Variants in MAU2 observed in about 807,000 individuals in gnomAD.
The protein encoded by MAU2 is MAU2 chromatid cohesion factor homolog.
MAU2 carries 9 observed loss-of-function variants against 89.1 expected under a neutral mutation model. That is an observed-to-expected ratio of 0.10 (90% CI 0.06 to 0.18). The LOEUF is 0.18. Ranked by LOEUF, MAU2 falls within the 10% of genes least tolerant of loss-of-function variation. The probability of loss-of-function intolerance (pLI) is 1.00; values close to 1 mark genes in which losing one functional copy is unlikely to be tolerated. For synonymous variants in MAU2, 357 were observed against 343.4 expected, an observed-to-expected ratio of 1.04 and a Z score of -0.44; for missense variants, 425 against 803.5, an observed-to-expected ratio of 0.53 and a Z score of 5.69.
Position 19,345,479 on chromosome 19 carries a change from C to T in MAU2, c.1221+110C>T, listed in dbSNP as rs544878523. 5.7e-6 allele frequency: 6 copies of T among 1,059,484 alleles called. No individual in the cohort carries two copies. The highest frequency in any genetic ancestry group is 1.3e-5 in the South Asian group (1 of 75,696). The allele number at this position is 1,059,484 out of a possible 1,614,324, so 65.6% of individuals were successfully genotyped here. On this transcript the variant is annotated intron_variant, in intron 12 of 18. Transcript: ENST00000262815. This position sits in a 1 kb window ranked among gnomAD's most constrained non-coding sequence, Gnocchi z 4.9. ...TCGCGCTAGGTCAGCTATGCAAAGC[C>T]GCAGCCCCAGAGGCAATGCACAGTA... is the stretch of plus-strand genomic sequence containing the variant.
At chr19:19,321,408 T>G (rs536127527) in intron 1 of MAU2, 77 of 420,084 alleles carry the variant, frequency 1.8e-4, no homozygotes, top group African/African-American at 1.4e-3. Context: ...TGCCTGTTAT[T>G]GGGAGCAACA....
intron 1 of MAU2, among the ~76,000 whole-genome samples, chr19:19,328,075 A>C (rs2061525393): frequency 6.6e-6 from 1 of 150,882 alleles, no homozygotes; most frequent in Non-Finnish European, 1.5e-5. Flanking sequence ...CGTGAGGATC[A>C]CTTGAGCCCA....
chr19:19,355,018 T>C, intron 17 of MAU2: 1 of 462,308 alleles, frequency 2.2e-6, no homozygotes, highest in Non-Finnish European at 3.9e-6. Context: ...ATGGGCTCCC[T>C]GGAGGGCTGG....
rs1470403307 is a variant in MAU2, at chr19:19,345,767, G to T, written c.1221+398G>T. Among the ~76,000 whole-genome samples, 2 of 152,166 alleles carry T rather than the reference G, an allele frequency of 1.3e-5. No homozygotes were observed. Among genetic ancestry groups the T allele is most frequent in the African/African-American group, 4.8e-5 (2 of 41,426 alleles). On this transcript the variant is annotated intron_variant, in intron 12 of 18. Coordinates refer to ENST00000262815, the MANE Select transcript of MAU2 (RefSeq NM_015329.4). The surrounding 1 kb of genome is among the most constrained non-coding windows in gnomAD (Gnocchi z 4.9). ...GTGGTGGAGCTGGGCCATCTCCCAG[G>T]TGCTCTTTGGACAGAGGAGGACTCT... is the stretch of plus-strand genomic sequence containing the variant.
chr19:19,321,237 C>G, intron 1 of MAU2, 102 bp downstream of exon 1: 1 of 1,321,126 alleles, frequency 7.6e-7, no homozygotes, highest in Non-Finnish European at 9.8e-7. Flanking sequence ...CCTCGGCGAC[C>G]TGGGGGCGCG....
intron 9 of MAU2, 144 bp downstream of exon 9, chr19:19,343,010 T>G: frequency 1.3e-6 from 1 of 793,460 alleles, no homozygotes; most frequent in South Asian, 1.5e-5. Context: ...CACCCCTAGT[T>G]GATAAATGCT....
Position 19,355,927 on chromosome 19 carries a change from T to C in MAU2, c.*145T>C. 1.2e-6 allele frequency: 1 copy of C among 818,824 alleles called. No homozygotes were observed. Among genetic ancestry groups the C allele is most frequent in the Non-Finnish European group, 2.0e-6 (1 of 488,972 alleles). The allele number at this position is 818,824 out of a possible 1,614,324, so 50.7% of individuals were successfully genotyped here. A position where few individuals can be genotyped will look rare whatever the true frequency, so the allele number is the denominator to read the frequency against. On this transcript the variant is annotated 3_prime_UTR_variant, in exon 19 of 19. Transcript: ENST00000262815. ...CCTGGGAATGTGCGGGGCCAGTCCCTGCCCTCCCAGGAGGGGTGGTAGCCG... is the reference window on the plus strand; with the variant it reads ...CCTGGGAATGTGCGGGGCCAGTCCCCGCCCTCCCAGGAGGGGTGGTAGCCG...
At chr19:19,343,030 C>T (rs141192624) in intron 9 of MAU2, among the ~76,000 whole-genome samples, 164 bp downstream of exon 9, 5 of 152,316 alleles carry the variant, frequency 3.3e-5, no homozygotes, top group African/African-American at 7.2e-5. Context: ...TGGTGTCCAA[C>T]GTCAGAGCAG....
At chr19:19,343,402 G>T (rs1183677532) in intron 9 of MAU2, among the ~76,000 whole-genome samples, 1 of 152,222 alleles carries the variant, frequency 6.6e-6, no homozygotes, top group African/African-American at 2.4e-5. Context: ...AGCCGGATAG[G>T]CCCTGTGCTT....
In MAU2 at chr19:19,343,772, G is replaced by A. The variant is rs572766843; in HGVS notation, c.974-65G>A. ...GGAGACAGGAACGAGGTGGGGGCAC[G>A]GTGGGCTGGGGGTGGCGCCTCCTCT... On this transcript the variant is annotated intron_variant, in intron 9 of 18. Transcript: ENST00000262815. 60 of 1,243,518 alleles carry A rather than the reference G, an allele frequency of 4.8e-5. 1 individual carries two copies. In the South Asian group the frequency reaches 6.2e-4, roughly 13 times the overall value. 77.0% of individuals were successfully genotyped at this position (1,243,518 alleles called of 1,614,324 possible).
At chr19:19,349,894 A>G (rs2905422) in intron 16 of MAU2, among the ~76,000 whole-genome samples, 132,756 of 151,710 alleles carry the variant, frequency 0.88, 58,311 homozygotes, top group East Asian at 1. Context: ...AAGGTCAGCC[A>G]GTCTCTGGTG....
At chr19:19,341,476 G>T (rs1375948965) in intron 7 of MAU2, 69 bp downstream of exon 7, 1 of 1,573,740 alleles carries the variant, frequency 6.4e-7, no homozygotes, top group Non-Finnish European at 8.6e-7. Context: ...AGGCCAATGG[G>T]TCTTGGGCTG....
chr19:19,335,103 T>C (rs2061585997), intron 1 of MAU2, among the ~76,000 whole-genome samples: 1 of 152,202 alleles, frequency 6.6e-6, no homozygotes, highest in Non-Finnish European at 1.5e-5. Context: ...AGTTGGAGCC[T>C]GTTGTCTGAA....
intron 1 of MAU2, among the ~76,000 whole-genome samples, chr19:19,326,520 A>C (rs958071550): frequency 2.6e-5 from 4 of 151,174 alleles, no homozygotes; most frequent in African/African-American, 9.7e-5. Context: ...CCCTGTCTCT[A>C]CTAAAAAATA....
intron 1 of MAU2, among the ~76,000 whole-genome samples, chr19:19,330,461 C>T (rs1285120018): frequency 6.6e-6 from 1 of 152,014 alleles, no homozygotes; most frequent in African/African-American, 2.4e-5. Context: ...GTTGGGCCTG[C>T]CAGGCGCCAT....
At chr19:19,329,178 C>T (rs1599893010) in intron 1 of MAU2, 1 of 453,938 alleles carries the variant, frequency 2.2e-6, no homozygotes, top group South Asian at 1.6e-5. Context: ...TTCTTTCATT[C>T]TTCAGGATCA....
At position 19,321,128 on chromosome 19, in the gene MAU2, A is replaced by G; in HGVS notation, c.269A>G (p.Glu90Gly). ...AGCGAGCAGGCGCGCAGCCACCTGG[A>G]GAAGGCGGTGAGCGCGGGCCGGGCC... ...KNSEQARSHL[E>G]KAWLISQQIP... The change falls in exon 1 of 19, where the codon GAG becomes GGG. Residue 90 changes from glutamate (E) to glycine (G), a missense_variant. Physicochemically the swap from Glu to Gly is moderately conservative, Grantham distance 98. Transcript: ENST00000262815. 6.3e-7 allele frequency: 1 copy of G among 1,590,146 alleles called. No individual in the cohort carries two copies.
At chr19:19,351,781 C>T (rs1235488465) in intron 16 of MAU2, among the ~76,000 whole-genome samples, 2 of 151,952 alleles carry the variant, frequency 1.3e-5, no homozygotes, top group Non-Finnish European at 2.9e-5. Context: ...GTCATCCATC[C>T]CTTCCCACTG....
intron 1 of MAU2, among the ~76,000 whole-genome samples, chr19:19,327,534 C>G (rs559810010): frequency 2.6e-5 from 4 of 151,940 alleles, no homozygotes; most frequent in Non-Finnish European, 4.4e-5. Flanking sequence ...ACCGTGTTAG[C>G]CAGGATGGTC....
Sources: gnomAD v4.1 joint callset for allele counts (sites outside exome capture counted in the v4.1 genomes callset) on GRCh38, gnomAD v4.1.1 for gene constraint, Gnocchi (gnomAD v3.1) non-coding constraint, MANE v1.5 for transcripts, NCBI Gene and HGNC (gene_info 2026-07-23, HGNC 2026-07-21) for gene names.